Variants in DEPDC1B observed in about 807,000 individuals in gnomAD.
DEPDC1B encodes the protein DEP domain containing 1B, also known as DEP domain-containing protein 1B.
Under a neutral mutation model 66.5 loss-of-function variants are expected in DEPDC1B, and 51 were observed. That is an observed-to-expected ratio of 0.77 (90% confidence interval 0.61 to 0.97). The LOEUF (loss-of-function observed/expected upper bound fraction) is 0.97. Among genes scored for constraint, DEPDC1B ranks in the 50% least tolerant of loss-of-function variants. The pLI, the probability that DEPDC1B is intolerant of heterozygous loss-of-function variation, is 0.00. For synonymous variants in DEPDC1B, 226 were observed against 223.6 expected (o/e 1.01, Z -0.10); for missense variants, 552 against 637.1 (o/e 0.87, Z 1.44).
intron 7 of DEPDC1B, among the ~76,000 whole-genome samples, chr5:60,637,598 T>C (rs1019782057): frequency 1.3e-5 from 2 of 152,208 alleles, no homozygotes; most frequent in African/African-American, 4.8e-5. Flanking sequence ...TCCATAAGCA[T>C]ACTAAGCAAC....
chr5:60,667,589 TAAAAATGGATATTTTACATATATATA>T (rs1554054874), intron 2 of DEPDC1B, among the ~76,000 whole-genome samples: 5 of 137,830 alleles, frequency 3.6e-5, no homozygotes, highest in Admixed American at 2.9e-4. Context: ...TTTACATATA[TAAAAATGGATATTTTACATATATATA>T]AAAAATGGAT....
At chr5:60,612,526 C>A (rs1368978512) in intron 7 of DEPDC1B, among the ~76,000 whole-genome samples, 5 of 99,564 alleles carry the variant, frequency 5.0e-5, no homozygotes, top group East Asian at 3.4e-4. Context: ...TTGAGATCTG[C>A]TCAAAAAAAA....
chr5:60,699,825 G>C (rs1754743123), intron 1 of DEPDC1B, among the ~76,000 whole-genome samples: 1 of 152,160 alleles, frequency 6.6e-6, no homozygotes, highest in Non-Finnish European at 1.5e-5. Context: ...ACATCTCATG[G>C]ACAAAGCTGC....
At chr5:60,599,780 C>T (rs1355508483) in intron 9 of DEPDC1B, among the ~76,000 whole-genome samples, 1 of 152,214 alleles carries the variant, frequency 6.6e-6, no homozygotes, top group Admixed American at 6.5e-5. Context: ...TTTCACCCAC[C>T]CCTTTATTTC....
chr5:60,611,666 C>A (rs570113592), intron 7 of DEPDC1B, among the ~76,000 whole-genome samples: 1 of 152,180 alleles, frequency 6.6e-6, no homozygotes, highest in African/African-American at 2.4e-5. Context: ...AAGATCCAAC[C>A]AATCACAACA....
rs952220265 is a variant in DEPDC1B at position 60,620,339 on chromosome 5, A to G, written c.899-14483T>C. 3.3e-5 allele frequency among the ~76,000 whole-genome samples: 5 copies of G among 152,228 alleles called. No homozygotes were observed. The East Asian group carries it at 9.6e-4, about 29-fold the overall frequency. On this transcript the variant is annotated intron_variant, in intron 7 of 10. Coordinates refer to ENST00000265036, the MANE Select transcript of DEPDC1B (RefSeq NM_018369.3). The stretch of plus-strand genomic sequence containing the variant: ...CTGCACAGCAAAAGCAACTACCATC[A>G]GAGTGAACAAGCAACCTACAGGATG...
chr5:60,613,213 T>C (rs890229754), intron 7 of DEPDC1B, among the ~76,000 whole-genome samples: 2 of 152,188 alleles, frequency 1.3e-5, no homozygotes, highest in Non-Finnish European at 2.9e-5. Flanking sequence ...TAAGGGGGCC[T>C]ACTTCAAAAA....
At chr5:60,688,507 C>A (rs2112036915) in intron 1 of DEPDC1B, among the ~76,000 whole-genome samples, 1 of 152,238 alleles carries the variant, frequency 6.6e-6, no homozygotes. Flanking sequence ...GTTACAAAGA[C>A]CAGATGAGAT....
chr5:60,622,858 T>C (rs1187336382), intron 7 of DEPDC1B, among the ~76,000 whole-genome samples: 1 of 152,234 alleles, frequency 6.6e-6, no homozygotes, highest in Non-Finnish European at 1.5e-5. Context: ...TTTTGTTTTT[T>C]TATTGCATTG....
At chr5:60,650,982 T>C (rs1753437903) in intron 2 of DEPDC1B, among the ~76,000 whole-genome samples, 1 of 152,132 alleles carries the variant, frequency 6.6e-6, no homozygotes, top group Admixed American at 6.6e-5. Flanking sequence ...ATTATGAAGC[T>C]CCCTCTTGGA....
chr5:60,672,054 A>T (rs765317607), intron 2 of DEPDC1B, among the ~76,000 whole-genome samples: 1 of 152,222 alleles, frequency 6.6e-6, no homozygotes, highest in Non-Finnish European at 1.5e-5. Context: ...CAGTTAAGCA[A>T]TTCTGACAGA....
intron 2 of DEPDC1B, among the ~76,000 whole-genome samples, chr5:60,653,382 G>A (rs1225409237): frequency 2.0e-5 from 3 of 151,274 alleles, no homozygotes; most frequent in Non-Finnish European, 4.4e-5. Flanking sequence ...TGTGTTTGTG[G>A]GCCATTCGCA....
At chr5:60,659,191 C>A (rs1584074395) in intron 2 of DEPDC1B, among the ~76,000 whole-genome samples, 1 of 152,312 alleles carries the variant, frequency 6.6e-6, no homozygotes, top group East Asian at 1.9e-4. Context: ...AAAAGGCTTG[C>A]AGCCATCTTG....
At chr5:60,668,257 T>TTATATA (rs3989098) in intron 2 of DEPDC1B, among the ~76,000 whole-genome samples, 1 of 85,862 alleles carries the variant, frequency 1.2e-5, no homozygotes, top group African/African-American at 6.7e-5. Flanking sequence ...AAAATGGATA[T>TTATATA]TATATATATA....
Position 60,603,376 on chromosome 5 carries a change from T to C in DEPDC1B, c.1242+15A>G, listed in dbSNP as rs770827435. 72 of 1,531,286 alleles carry C rather than the reference T, an allele frequency of 4.7e-5. No homozygotes were observed. Among genetic ancestry groups the C allele is most frequent in the Non-Finnish European group, 6.3e-5 (72 of 1,146,436 alleles). 94.9% of individuals were successfully genotyped at this position (1,531,286 alleles called of 1,614,324 possible). A position where few individuals can be genotyped will look rare whatever the true frequency, so the allele number is the denominator to read the frequency against. On this transcript the variant is annotated intron_variant, in intron 9 of 10. Coordinates refer to ENST00000265036, the MANE Select transcript of DEPDC1B (RefSeq NM_018369.3). ...ATTGCCAATTTCATAGAACTGATAA[T>C]ATCCTCTCCTTTACCTGGACTCTTC...
intron 2 of DEPDC1B, among the ~76,000 whole-genome samples, chr5:60,676,175 C>T (rs1370425071): frequency 6.6e-6 from 1 of 151,840 alleles, no homozygotes; most frequent in Admixed American, 6.6e-5. Context: ...CGTGATCTGC[C>T]CACCTCAGCC....
chr5:60,688,649 C>A (rs1371117975), intron 1 of DEPDC1B, among the ~76,000 whole-genome samples: 1 of 152,118 alleles, frequency 6.6e-6, no homozygotes, highest in Non-Finnish European at 1.5e-5. Flanking sequence ...TGAGTGAGTA[C>A]GTTGGAAAGA....
chr5:60,600,960 C>G (rs901154299), intron 9 of DEPDC1B, among the ~76,000 whole-genome samples: 2 of 152,168 alleles, frequency 1.3e-5, no homozygotes, highest in African/African-American at 2.4e-5. Flanking sequence ...GTGGTTCCCC[C>G]CATGCTGTTC....
intron 7 of DEPDC1B, among the ~76,000 whole-genome samples, chr5:60,628,001 A>G (rs1379619141): frequency 6.6e-6 from 1 of 152,226 alleles, no homozygotes; most frequent in Non-Finnish European, 1.5e-5. Context: ...ATAAGAATAA[A>G]TAATAAAAAG....
Sources: allele counts gnomAD v4.1 joint callset (sites outside exome capture counted in the v4.1 genomes callset), GRCh38; gene constraint gnomAD v4.1.1; transcripts MANE v1.5; gene names NCBI Gene and HGNC (gene_info 2026-07-23, HGNC 2026-07-21).